PRMT8: variants seen among roughly 807,000 people sequenced by gnomAD.
PRMT8 encodes the protein protein arginine N-methyltransferase 8.
In PRMT8, 7 loss-of-function variants were observed where a neutral mutation model predicts 47.1. The observed-to-expected ratio is 0.15, with a 90% CI of 0.08 to 0.28. PRMT8 has a LOEUF of 0.28. PRMT8 is among the 10% of genes least tolerant of loss of function. The probability of loss-of-function intolerance (pLI) is 1.00; values close to 1 mark genes in which losing one functional copy is unlikely to be tolerated. For missense variants in PRMT8, 237 were observed against 505.4 expected, an observed-to-expected ratio of 0.47 and a Z score of 5.09; for synonymous variants, 188 against 186.5, an observed-to-expected ratio of 1.01 and a Z score of -0.07.
At chr12:3,475,013 ACTGTGAGGCTCC>A (rs1865196589) in intron 1 of PRMT8, among the ~76,000 whole-genome samples, 1 of 152,092 alleles carries the variant, frequency 6.6e-6, no homozygotes, top group Admixed American at 6.5e-5. Context: ...CCACCCTCAC[ACTGTGAGGCTCC>A]CTGAGGGCAG....
At chr12:3,435,016 T>G (rs545354939) in intron 1 of PRMT8, among the ~76,000 whole-genome samples, 1 of 149,656 alleles carries the variant, frequency 6.7e-6, no homozygotes, top group East Asian at 2.0e-4. Context: ...TCTCTCAGGC[T>G]GGAGTGCAGG....
chr12:3,574,634 A>G (rs1235829944), intron 6 of PRMT8, among the ~76,000 whole-genome samples: 1 of 152,244 alleles, frequency 6.6e-6, no homozygotes, highest in Non-Finnish European at 1.5e-5. Context: ...CTTTACGTAT[A>G]ATCACATTTA....
rs775374864 is a variant in PRMT8, at chr12:3,592,356, A to T, written c.1101+4A>T. On this transcript the variant is annotated splice_donor_region_variant and intron_variant, in intron 9 of 9. Transcript: ENST00000382622. ...GAAGCCAAATGCCAAAAATGTGGTA[A>T]GTGCCGAGGGACATAAGGACATAAG... The T allele has an allele frequency of 1.9e-6, 3 of 1,602,894 alleles. No individual in the cohort carries two copies. Among genetic ancestry groups the T allele is most frequent in the South Asian group, 2.3e-5 (2 of 88,380 alleles).
rs891517261 is a variant in PRMT8, at chr12:3,456,498, C to T, written c.48+75056C>T. The stretch of plus-strand genomic sequence containing the variant: ...CTCCCAGGTGGGAGGGCAGGACCCA[C>T]GAGCACACATTCGGCATCACGAGCG... On this transcript the variant is annotated intron_variant, in intron 1 of 9. Coordinates refer to the PRMT8 transcript ENST00000452611. This position sits in a 1 kb window ranked among gnomAD's most constrained non-coding sequence, Gnocchi z 4.2. Among the ~76,000 whole-genome samples, 1 of 152,182 alleles carries T rather than the reference C, an allele frequency of 6.6e-6. No homozygotes were observed. Among genetic ancestry groups the T allele is most frequent in the Non-Finnish European group, 1.5e-5 (1 of 68,038 alleles).
At chr12:3,544,557 G>A (rs1199509836) in intron 2 of PRMT8, among the ~76,000 whole-genome samples, 2 of 152,170 alleles carry the variant, frequency 1.3e-5, no homozygotes, top group African/African-American at 2.4e-5. Flanking sequence ...GTGGGGGACC[G>A]CCTAATGCCA....
At chr12:3,419,346 A>G (rs571992074) in intron 1 of PRMT8, among the ~76,000 whole-genome samples, 1 of 152,322 alleles carries the variant, frequency 6.6e-6, no homozygotes, top group South Asian at 2.1e-4. Context: ...AACAGAGAGC[A>G]GGGAAGGGGA....
intron 1 of PRMT8, among the ~76,000 whole-genome samples, chr12:3,486,046 T>C (rs1865320016): frequency 6.6e-6 from 1 of 152,200 alleles, no homozygotes; most frequent in South Asian, 2.1e-4. Context: ...CAATGTGTTA[T>C]GCCACAAGTG....
In PRMT8 at chr12:3,408,153, C is replaced by CTCTT. The variant is rs540640606; in HGVS notation, c.48+26730_48+26733dup. On this transcript the variant is annotated intron_variant, in intron 1 of 9. Transcript: ENST00000452611. ...TTTTCCTCTCTCCCTCCCTCTCTTT[C>CTCTT]TCTTTCTTTCTTTCTTTCTTTCCTT... is the stretch of plus-strand genomic sequence containing the variant. Among the ~76,000 whole-genome samples, 298 of 150,394 alleles carry CTCTT rather than the reference C, an allele frequency of 2.0e-3. 1 individual carries two copies. Among genetic ancestry groups the CTCTT allele is most frequent in the African/African-American group, 5.3e-3 (217 of 40,946 alleles).
rs1296390872 is a variant in PRMT8 at position 3,456,962 on chromosome 12, G to A, written c.48+75520G>A. 6.6e-6 allele frequency among the ~76,000 whole-genome samples: 1 copy of A among 152,220 alleles called. No homozygotes were observed. Among genetic ancestry groups the A allele is most frequent in the East Asian group, 1.9e-4 (1 of 5,202 alleles). ...AGGGGGTGGGGGCTCTGGCCTCGCT[G>A]ACCTCGCCTGCCATGGCAACTGTAA... On this transcript the variant is annotated intron_variant, in intron 1 of 9. Transcript: ENST00000452611. The surrounding 1 kb of genome is among the most constrained non-coding windows in gnomAD (Gnocchi z 4.2).
rs144020493 is a variant in PRMT8 at position 3,448,858 on chromosome 12, T to C, written c.48+67416T>C. Among the ~76,000 whole-genome samples the C allele has an allele frequency of 5.8e-3, 887 of 152,256 alleles. 13 individuals carry two copies. Among genetic ancestry groups the C allele is most frequent in the African/African-American group, 0.019 (788 of 41,556 alleles). The stretch of plus-strand genomic sequence containing the variant: ...CATCACCTAGGTATTAAGCCCCACA[T>C]GCATTAGCTATTTATCCTGATGCAC... On this transcript the variant is annotated intron_variant, in intron 1 of 9. Coordinates refer to the PRMT8 transcript ENST00000452611.
At chr12:3,521,902 G>A (rs535120137) in intron 1 of PRMT8, among the ~76,000 whole-genome samples, 52 of 130,144 alleles carry the variant, frequency 4.0e-4, no homozygotes, top group African/African-American at 1.5e-3. Context: ...CCTGGTAGAA[G>A]GTATTAATTC....
At chr12:3,496,914 A>ATTT (rs34785835) in intron 1 of PRMT8, among the ~76,000 whole-genome samples, 6 of 129,464 alleles carry the variant, frequency 4.6e-5, no homozygotes, top group East Asian at 2.2e-4. Flanking sequence ...AAGATACCCA[A>ATTT]TTTTTTTTTT....
At chr12:3,486,720 G>A (rs1279491438), upstream of PRMT8, among the ~76,000 whole-genome samples, 1 of 152,134 alleles carries the variant, frequency 6.6e-6, no homozygotes, top group Admixed American at 6.5e-5. Context: ...GGTAACAAGA[G>A]TATTCAACTT....
At chr12:3,388,107 A>G (rs928543797) in intron 1 of PRMT8, among the ~76,000 whole-genome samples, 12 of 130,072 alleles carry the variant, frequency 9.2e-5, no homozygotes, top group African/African-American at 3.5e-4. Context: ...TAAATTCAGG[A>G]TCTAATTGAG....
chr12:3,443,189 C>T (rs1356977101), intron 1 of PRMT8, among the ~76,000 whole-genome samples: 6 of 152,144 alleles, frequency 3.9e-5, no homozygotes, highest in Admixed American at 1.3e-4. Context: ...TGGATGCTGC[C>T]GATGTTTTTC....
Position 3,444,506 on chromosome 12 carries a change from A to G in PRMT8, c.48+63064A>G, listed in dbSNP as rs78822086. 8.6e-3 allele frequency among the ~76,000 whole-genome samples: 1,306 copies of G among 152,304 alleles called. 24 individuals carry two copies. Among genetic ancestry groups the G allele is most frequent in the African/African-American group, 0.03 (1,259 of 41,566 alleles). ...ACTTTTAGTCTTTTTGCAAAACCTG[A>G]CACTCTGGTCATATTCTGTTTCTTC... On this transcript the variant is annotated intron_variant, in intron 1 of 9. Coordinates refer to the PRMT8 transcript ENST00000452611.
At chr12:3,469,213 A>G (rs1865135511) in intron 1 of PRMT8, 3 of 473,820 alleles carry the variant, frequency 6.3e-6, no homozygotes, top group South Asian at 1.6e-5. Flanking sequence ...GAACAGATCT[A>G]GTGAAGCCAG....
intron 4 of PRMT8, among the ~76,000 whole-genome samples, chr12:3,554,110 C>A (rs745807417): frequency 2.6e-5 from 4 of 152,344 alleles, no homozygotes; most frequent in African/African-American, 9.6e-5. Context: ...CCAGGGGCAT[C>A]ATGGCAGACC....
chr12:3,454,343 C>T lies in PRMT8; in HGVS notation c.48+72901C>T, dbSNP rs138588496. Among the ~76,000 whole-genome samples the T allele has an allele frequency of 3.3e-3, 503 of 152,296 alleles. 7 individuals are homozygous for T. The highest frequency in any genetic ancestry group is 0.012 in the African/African-American group (479 of 41,560). ...ATCCCCGGCCAGGGTGTTGGTGCCA[C>T]AGGGAGCAAGAGGGCAGGCAGCCAC... On this transcript the variant is annotated intron_variant, in intron 1 of 9. Coordinates refer to the PRMT8 transcript ENST00000452611.
Sources: allele counts gnomAD v4.1 joint callset (sites outside exome capture counted in the v4.1 genomes callset), GRCh38; gene constraint gnomAD v4.1.1; non-coding constraint Gnocchi (gnomAD v3.1); transcripts MANE v1.5; gene names NCBI Gene and HGNC (gene_info 2026-07-23, HGNC 2026-07-21).